SCN11A: variants seen among roughly 807,000 people sequenced by gnomAD.
SCN11A encodes sodium channel protein type 11 subunit alpha.
Under a neutral mutation model 162.2 loss-of-function variants are expected in SCN11A, and 122 were observed. That is an observed-to-expected ratio of 0.75 (90% CI 0.65 to 0.87). The LOEUF is 0.87. Among genes scored for constraint, SCN11A ranks in the 40% least tolerant of loss-of-function variants. The probability of loss-of-function intolerance (pLI) is 0.00; values close to 1 mark genes in which losing one functional copy is unlikely to be tolerated. For missense variants in SCN11A, 2,015 were observed against 2,181.6 expected, an observed-to-expected ratio of 0.92 and a Z score of 1.52; for synonymous variants, 758 against 751.5, an observed-to-expected ratio of 1.01 and a Z score of -0.14.
At chr3:38,881,095 G>A (rs1264527308) in intron 22 of SCN11A, among the ~76,000 whole-genome samples, 3 of 152,194 alleles carry the variant, frequency 2.0e-5, no homozygotes, top group African/African-American at 7.2e-5. Context: ...ATTGGTTTCT[G>A]GCTGAAGAAG....
At chr3:38,955,848 C>T (rs1233023071) in intron 3 of SCN11A, among the ~76,000 whole-genome samples, 4 of 152,114 alleles carry the variant, frequency 2.6e-5, no homozygotes, top group African/African-American at 4.8e-5. Context: ...TGTCCTTAAC[C>T]GAAGAGTGCA....
At chr3:38,985,295 T>G (rs2030198903) in intron 2 of SCN11A, among the ~76,000 whole-genome samples, 1 of 149,008 alleles carries the variant, frequency 6.7e-6, no homozygotes, top group Non-Finnish European at 1.5e-5. Flanking sequence ...GCCCGGCTAA[T>G]TTTTTTTTGT....
intron 11 of SCN11A, among the ~76,000 whole-genome samples, chr3:38,912,911 G>C (rs147525963): frequency 6.6e-6 from 1 of 152,110 alleles, no homozygotes; most frequent in Admixed American, 6.6e-5. Flanking sequence ...CCATGTCTTT[G>C]CTATAGTGAA....
chr3:38,929,076 G>T (rs1048002168), intron 7 of SCN11A, among the ~76,000 whole-genome samples: 1 of 150,808 alleles, frequency 6.6e-6, no homozygotes, highest in Non-Finnish European at 1.5e-5. Context: ...CCTAAAAAAA[G>T]AAAATAGCTT....
chr3:38,950,037 T>C, intron 5 of SCN11A, 59 bp downstream of exon 5: 4 of 921,376 alleles, frequency 4.3e-6, no homozygotes, highest in Non-Finnish European at 6.5e-6. Context: ...TAACACCAGT[T>C]ACAACTGCAT....
intron 1 of SCN11A, among the ~76,000 whole-genome samples, chr3:39,043,296 C>G (rs34827122): frequency 0.14 from 21,432 of 152,118 alleles, 1,754 homozygotes; most frequent in African/African-American, 0.21. Flanking sequence ...CCATACGATC[C>G]AGCAATCCCA....
intron 17 of SCN11A, among the ~76,000 whole-genome samples, chr3:38,898,005 G>A (rs959874757): frequency 1.3e-5 from 2 of 152,098 alleles, no homozygotes; most frequent in Admixed American, 6.5e-5. Flanking sequence ...GGAGACTGAG[G>A]TGGGTGATCG....
chr3:38,951,018 G>C (rs1480729287), intron 4 of SCN11A, among the ~76,000 whole-genome samples: 2 of 152,256 alleles, frequency 1.3e-5, no homozygotes, highest in African/African-American at 2.4e-5. Context: ...GCTCGCTCTA[G>C]GCGCCTCCTC....
At chr3:39,008,273 ACTCT>A (rs1353505682) in intron 2 of SCN11A, among the ~76,000 whole-genome samples, 1 of 151,852 alleles carries the variant, frequency 6.6e-6, no homozygotes, top group Admixed American at 6.6e-5. Flanking sequence ...ATTCAGCCAA[ACTCT>A]CAATCAAGTA....
chr3:38,936,900 G>T (rs1366764224), intron 7 of SCN11A, among the ~76,000 whole-genome samples: 2 of 151,584 alleles, frequency 1.3e-5, no homozygotes, highest in Non-Finnish European at 3.0e-5. Flanking sequence ...CCAAAAAAGA[G>T]CCCACATCAC....
chr3:38,903,328 C>G (rs2065734087), intron 16 of SCN11A, among the ~76,000 whole-genome samples: 1 of 152,134 alleles, frequency 6.6e-6, no homozygotes, highest in Non-Finnish European at 1.5e-5. Context: ...GAGACTAGAT[C>G]TATCCAATGA....
rs1336028508 is a variant in SCN11A, at chr3:38,953,736, C to T, written c.-115G>A. On this transcript the variant is annotated 5_prime_UTR_variant, in exon 4 of 30. The change creates a new upstream start codon in the 5' untranslated region. Transcript: ENST00000302328. Reference sequence around the variant, plus strand: ...GGGAATAAATTTGGTTTGCAACACACGAAGCTGAAGCTGCCTGGGGAACCT... The same window carrying T: ...GGGAATAAATTTGGTTTGCAACACATGAAGCTGAAGCTGCCTGGGGAACCT... Among the ~76,000 whole-genome samples, 3 of 152,070 alleles carry T rather than the reference C, an allele frequency of 2.0e-5. No homozygotes were observed. Among genetic ancestry groups the T allele is most frequent in the African/African-American group, 7.2e-5 (3 of 41,396 alleles).
At chr3:38,928,535 A>G (rs989285827) in intron 7 of SCN11A, among the ~76,000 whole-genome samples, 9 of 152,168 alleles carry the variant, frequency 5.9e-5, no homozygotes, top group African/African-American at 2.2e-4. Context: ...CTTACAGTAA[A>G]ATAAAATTAA....
chr3:38,870,654 C>T (rs770075249), intron 26 of SCN11A, 37 bp downstream of exon 26: 2 of 1,579,916 alleles, frequency 1.3e-6, no homozygotes, highest in Non-Finnish European at 8.7e-7. Context: ...TCTGACTTGA[C>T]CATAACACTC....
chr3:38,973,063 C>T (rs926519343), intron 2 of SCN11A, among the ~76,000 whole-genome samples: 7 of 151,942 alleles, frequency 4.6e-5, no homozygotes, highest in South Asian at 4.2e-4. Context: ...CACTTGTCTA[C>T]AAGATAGTTT....
chr3:38,975,146 G>A (rs2066841491), intron 2 of SCN11A, among the ~76,000 whole-genome samples: 2 of 151,888 alleles, frequency 1.3e-5, no homozygotes, highest in Admixed American at 6.6e-5. Context: ...AAAAACGACA[G>A]TAAAATACAG....
rs567941856 is a variant in SCN11A, at chr3:38,885,495, G to A, written c.2950-93C>T. On this transcript the variant is annotated intron_variant, in intron 20 of 29. Transcript: ENST00000302328. ...GTTTCTCATTGTCTGATTTTTTAAGGATGAAATGAACTAGGCAAAGGTTTC... is the reference window on the plus strand; with the variant it reads ...GTTTCTCATTGTCTGATTTTTTAAGAATGAAATGAACTAGGCAAAGGTTTC... 5 of 729,958 alleles carry A rather than the reference G, an allele frequency of 6.8e-6. No homozygotes were observed. In the South Asian group the frequency reaches 6.9e-5, roughly 10 times the overall value. 45.2% of individuals were successfully genotyped at this position (729,958 alleles called of 1,614,324 possible).
chr3:39,032,768 G>A (rs1297014053), intron 1 of SCN11A, among the ~76,000 whole-genome samples: 1 of 152,120 alleles, frequency 6.6e-6, no homozygotes, highest in Non-Finnish European at 1.5e-5. Flanking sequence ...CATACTAAGT[G>A]CTATGCTAAG....
chr3:38,854,500 T>A (rs1327074636), intron 28 of SCN11A, among the ~76,000 whole-genome samples: 1 of 152,164 alleles, frequency 6.6e-6, no homozygotes, highest in Non-Finnish European at 1.5e-5. Flanking sequence ...CTAACGTGCA[T>A]CTCGCACTTG....
Sources: allele counts gnomAD v4.1 joint callset (sites outside exome capture counted in the v4.1 genomes callset), GRCh38; gene constraint gnomAD v4.1.1; transcripts MANE v1.5; gene names NCBI Gene and HGNC (gene_info 2026-07-23, HGNC 2026-07-21).